Variants in PIGK observed in about 807,000 individuals in gnomAD.
PIGK encodes the protein phosphatidylinositol glycan anchor biosynthesis class K, also known as GPI-anchor transamidase.
A neutral mutation model predicts 50.6 loss-of-function variants in PIGK; 42 were observed. The ratio of observed to expected loss-of-function variants is 0.83; its 90% confidence interval spans 0.65 to 1.07. The LOEUF (loss-of-function observed/expected upper bound fraction) is 1.07, where lower values mean the gene tolerates loss of function less well. PIGK is among the 50% of genes least tolerant of loss of function. The pLI is 0.00. For synonymous variants in PIGK, 151 were observed against 156.0 expected (o/e 0.97, Z 0.24); for missense variants, 448 against 488.7 (o/e 0.92, Z 0.78).
chr1:77,206,304 A>C (rs982975106), intron 3 of PIGK, among the ~76,000 whole-genome samples: 1 of 152,172 alleles, frequency 6.6e-6, no homozygotes, highest in Non-Finnish European at 1.5e-5. Flanking sequence ...CTTTCAATAA[A>C]TCCCTTTTCC....
Position 77,161,621 on chromosome 1 carries a change from A to G in PIGK, c.675T>C (p.Ser225=). The change falls in exon 7 of 11, where the codon AGT becomes AGC. Residue 225 remains serine, a synonymous_variant. Transcript: ENST00000370812. ...AGAGTGAATCTTCTCCCACTTGACTACTAGCTAGAGCCATTATGTTAGGAG... is the reference window on the plus strand; with the variant it reads ...AGAGTGAATCTTCTCCCACTTGACTGCTAGCTAGAGCCATTATGTTAGGAG... ...FYSPNIMALA[S]SQVGEDSLSH... 2 of 1,538,800 alleles carry G rather than the reference A, an allele frequency of 1.3e-6. No homozygotes were observed. Among genetic ancestry groups the G allele is most frequent in the Non-Finnish European group, 1.8e-6 (2 of 1,111,314 alleles).
At chr1:77,188,335 C>G (rs903327829) in intron 3 of PIGK, among the ~76,000 whole-genome samples, 1 of 152,146 alleles carries the variant, frequency 6.6e-6, no homozygotes, top group South Asian at 2.1e-4. Context: ...ACAGCCCCCC[C>G]AGGTGCGCCT....
chr1:77,210,783 G>A (rs1656400747), intron 1 of PIGK, among the ~76,000 whole-genome samples: 1 of 152,034 alleles, frequency 6.6e-6, no homozygotes, highest in Admixed American at 6.6e-5. Flanking sequence ...AACCTCCCTG[G>A]AGACTCAGTT....
intron 9 of PIGK, among the ~76,000 whole-genome samples, chr1:77,136,305 G>A (rs1337995213): frequency 1.3e-4 from 19 of 151,948 alleles, no homozygotes; most frequent in Admixed American, 7.9e-4. Flanking sequence ...CGAGGCGGGC[G>A]GATCACGAGG....
chr1:77,129,538 C>T (rs1225022192), intron 9 of PIGK: 2 of 1,277,870 alleles, frequency 1.6e-6, no homozygotes, highest in Admixed American at 1.8e-5. Context: ...TACATGAGCT[C>T]TCCCTGCCAC....
intron 4 of PIGK, among the ~76,000 whole-genome samples, chr1:77,167,324 C>G (rs940895705): frequency 1.3e-5 from 2 of 151,966 alleles, no homozygotes; most frequent in African/African-American, 4.8e-5. Context: ...AAGACTATGT[C>G]TCTTAGAAAA....
At chr1:77,110,527 T>C (rs1181714472) in intron 10 of PIGK, among the ~76,000 whole-genome samples, 3 of 152,136 alleles carry the variant, frequency 2.0e-5, no homozygotes, top group East Asian at 3.8e-4. Flanking sequence ...CCCTATTTAA[T>C]AAATGGTGCT....
chr1:77,214,540 A>G (rs72683941), intron 1 of PIGK, among the ~76,000 whole-genome samples: 5,639 of 152,216 alleles, frequency 0.037, 205 homozygotes, highest in South Asian at 0.2. Flanking sequence ...CCCACATCCA[A>G]CATCATATTG....
chr1:77,092,049 T>C lies in PIGK; in HGVS notation c.*325A>G, dbSNP rs1008288438. ...AAAGTTACTTCTGTTAGTGAGAATTTAATGTCTTCACAATTGTTTCTTTTC... is the reference window on the plus strand; with the variant it reads ...AAAGTTACTTCTGTTAGTGAGAATTCAATGTCTTCACAATTGTTTCTTTTC... On this transcript the variant is annotated 3_prime_UTR_variant, in exon 11 of 11. Transcript: ENST00000370812. 3 of 158,974 alleles carry C rather than the reference T, an allele frequency of 1.9e-5. No homozygotes were observed. The highest frequency in any genetic ancestry group is 4.1e-5 in the Non-Finnish European group (3 of 72,936). The allele number at this position is 158,974 out of a possible 1,614,324, so 9.8% of individuals were successfully genotyped here. A position where few individuals can be genotyped will look rare whatever the true frequency, so the allele number is the denominator to read the frequency against.
At chr1:77,202,218 A>G (rs1656186535) in intron 3 of PIGK, among the ~76,000 whole-genome samples, 1 of 152,220 alleles carries the variant, frequency 6.6e-6, no homozygotes, top group Non-Finnish European at 1.5e-5. Flanking sequence ...TCTTTAGCAC[A>G]CTATTCATTC....
intron 9 of PIGK, among the ~76,000 whole-genome samples, chr1:77,132,397 G>A (rs1034403761): frequency 1.1e-4 from 16 of 151,270 alleles, no homozygotes; most frequent in African/African-American, 2.4e-4. Flanking sequence ...TACCATTATC[G>A]TAACAATTAC....
At chr1:77,159,242 G>A (rs916843428) in intron 8 of PIGK, among the ~76,000 whole-genome samples, 1 of 152,138 alleles carries the variant, frequency 6.6e-6, no homozygotes, top group Non-Finnish European at 1.5e-5. Flanking sequence ...GCCTGAAGGT[G>A]CACAGAAGTC....
Position 77,154,594 on chromosome 1 carries a change from C to T in PIGK, c.841G>A (p.Val281Met), listed in dbSNP as rs776294990. The change falls in exon 9 of 11, where the codon GTG becomes ATG. Residue 281 changes from valine (V) to methionine (M), a missense_variant. Physicochemically the swap from Val to Met is conservative, Grantham distance 21. Coordinates refer to ENST00000370812, the MANE Select transcript of PIGK (RefSeq NM_005482.3). ...LFQVCPKSLC[V>M]STPGHRTDLF... ...TCAGTGCGATGTCCAGGAGTAGACACACACAGACTTTTGGGACATACCTGA... is the reference window on the plus strand; with the variant it reads ...TCAGTGCGATGTCCAGGAGTAGACATACACAGACTTTTGGGACATACCTGA... 5 of 1,612,312 alleles carry T rather than the reference C, an allele frequency of 3.1e-6. No individual in the cohort carries two copies. The Admixed American group carries it at 8.4e-5, about 27-fold the overall frequency.
At chr1:77,194,228 G>T (rs1457944247) in intron 3 of PIGK, among the ~76,000 whole-genome samples, 3 of 152,198 alleles carry the variant, frequency 2.0e-5, no homozygotes, top group Non-Finnish European at 4.4e-5. Context: ...TACACTGCTG[G>T]TGGGAATATA....
chr1:77,171,059 A>T (rs1348835069), intron 3 of PIGK, among the ~76,000 whole-genome samples: 1 of 143,128 alleles, frequency 7.0e-6, no homozygotes, highest in East Asian at 1.9e-4. Context: ...AAAACTTGAG[A>T]TCATTAATTT....
intron 3 of PIGK, among the ~76,000 whole-genome samples, chr1:77,178,223 T>A (rs1655530968): frequency 6.6e-6 from 1 of 152,202 alleles, no homozygotes; most frequent in South Asian, 2.1e-4. Context: ...TGCCTCATAA[T>A]CAGTCAGAAA....
chr1:77,150,137 A>T (rs1464154760), intron 9 of PIGK, among the ~76,000 whole-genome samples: 1 of 152,190 alleles, frequency 6.6e-6, no homozygotes, highest in Non-Finnish European at 1.5e-5. Flanking sequence ...CATCAAAAAG[A>T]AAGATTTCAA....
At chr1:77,219,271 C>T (rs762214458) in intron 1 of PIGK, 39 bp downstream of exon 1, 6 of 1,544,566 alleles carry the variant, frequency 3.9e-6, no homozygotes, top group Non-Finnish European at 5.4e-6. Flanking sequence ...GGGCTCACAG[C>T]CGGCCTCCCG....
At chr1:77,094,383 T>C (rs1299939010) in intron 10 of PIGK, among the ~76,000 whole-genome samples, 1 of 152,130 alleles carries the variant, frequency 6.6e-6, no homozygotes, top group East Asian at 1.9e-4. Context: ...CTGGCACCAA[T>C]GTAAACTCTT....
Sources: gnomAD v4.1 joint callset for allele counts (sites outside exome capture counted in the v4.1 genomes callset) on GRCh38, gnomAD v4.1.1 for gene constraint, MANE v1.5 for transcripts, NCBI Gene and HGNC (gene_info 2026-07-23, HGNC 2026-07-21) for gene names.